The following KCNH3 variants were observed in gnomAD, a reference collection of about 807,000 sequenced individuals.
KCNH3 encodes voltage-gated inwardly rectifying potassium channel KCNH3.
In KCNH3, 36 loss-of-function variants were observed where a neutral mutation model predicts 95.6. The ratio of observed to expected loss-of-function variants is 0.38; its 90% CI spans 0.29 to 0.50. The LOEUF is 0.50. KCNH3 is among the 20% of genes least tolerant of loss of function. KCNH3 has a pLI of 0.95. For missense variants in KCNH3, 1,030 were observed against 1,484.1 expected (o/e 0.69, Z 5.03); for synonymous variants, 620 against 646.3 (o/e 0.96, Z 0.62).
rs770485797 is a variant in KCNH3 at position 49,542,718 on chromosome 12, G to A, written c.458G>A (p.Arg153His). 8 of 1,578,762 alleles carry A rather than the reference G, an allele frequency of 5.1e-6. No individual in the cohort carries two copies. In the African/African-American group the frequency reaches 5.4e-5, roughly 11 times the overall value. ...TCTTCTTTCGCAGGTGGTGGCCGGC[G>A]CCGATATGGCCGGGCACGATCCAAA... ...DRWKETGGGR[R>H]RYGRARSKGF... Residue 153 changes from arginine (R) to histidine (H), a missense_variant, in exon 4 of 15, where the codon CGC becomes CAC. Transcript: ENST00000257981.
In KCNH3 at chr12:49,544,027, C is replaced by T. The variant is rs777509516; in HGVS notation, c.936C>T (p.Ile312=). Residue 312 remains isoleucine (I), a synonymous_variant, in exon 6 of 15, where the codon ATC becomes ATT. Transcript: ENST00000257981. ...CCACCTGGTTCCTGCTGGATGTCAT[C>T]GCAGCGCTGCCCTTTGACCTGCTAC... ...YVTTWFLLDV[I]AALPFDLLHA... 55 of 1,613,790 alleles carry T rather than the reference C, an allele frequency of 3.4e-5. No homozygotes were observed. In the South Asian group the frequency reaches 4.7e-4, roughly 14 times the overall value.
chr12:49,551,205 T>C (rs554136726), intron 10 of KCNH3, among the ~76,000 whole-genome samples: 177 of 152,120 alleles, frequency 1.2e-3, no homozygotes, highest in African/African-American at 3.9e-3. Flanking sequence ...GTTAGGAGGG[T>C]TGGACCTGCA....
At chr12:49,544,131 C>T in intron 6 of KCNH3, 44 bp from the exon 7 acceptor site, 1 of 1,599,862 alleles carries the variant, frequency 6.3e-7, no homozygotes. Flanking sequence ...GCAGGGCCGG[C>T]CCGCTGACCT....
chr12:49,547,735 T>G (rs942312157), intron 7 of KCNH3, among the ~76,000 whole-genome samples: 1 of 151,622 alleles, frequency 6.6e-6, no homozygotes, highest in African/African-American at 2.4e-5. Flanking sequence ...GAGTAGGGGG[T>G]CTGTGCTGAG....
chr12:49,548,158 T>C (rs1424427781), intron 7 of KCNH3, among the ~76,000 whole-genome samples: 1 of 150,792 alleles, frequency 6.6e-6, no homozygotes, highest in African/African-American at 2.4e-5. Flanking sequence ...GTGAATGTAT[T>C]CGCCTGTGTG....
chr12:49,548,954 C>T lies in KCNH3; in HGVS notation c.1249C>T (p.Pro417Ser). 6.2e-7 allele frequency: 1 copy of T among 1,606,958 alleles called. No homozygotes were observed. Residue 417 changes from proline (P) to serine (S), a missense_variant, in exon 8 of 15, where the codon CCA becomes TCA. Around this residue, in one of 9 missense-constraint regions of KCNH3, gnomAD observed 50 missense variants for 41.0 expected, o/e 1.22. Transcript: ENST00000257981. The stretch of plus-strand genomic sequence containing the variant: ...TCCCTACTACCTGGTGGGCCGGAGG[C>T]CAGCTGGAGGGAACAGCTCCGGCCA... ...ETPYYLVGRR[P>S]AGGNSSGQSD...
chr12:49,544,023 T>C lies in KCNH3; in HGVS notation c.932T>C (p.Val311Ala). The C allele has an allele frequency of 6.2e-7, 1 of 1,613,928 alleles. No individual in the cohort carries two copies. Among genetic ancestry groups the C allele is most frequent in the South Asian group, 1.1e-5 (1 of 91,084 alleles). ...HYVTTWFLLD[V>A]IAALPFDLLH... ...GTCACCACCTGGTTCCTGCTGGATG[T>C]CATCGCAGCGCTGCCCTTTGACCTG... Residue 311 changes from valine (V) to alanine (A), a missense_variant, in exon 6 of 15, where the codon GTC becomes GCC. By Grantham distance (64) the Val-to-Ala change is moderately conservative. This residue lies in a region of KCNH3 where 153 missense variants were observed against 288.5 expected (regional missense o/e 0.53). Coordinates refer to ENST00000257981, the MANE Select transcript of KCNH3 (RefSeq NM_012284.3).
Position 49,548,875 on chromosome 12 carries a change from C to A in KCNH3, c.1190-20C>A. 2 of 1,543,828 alleles carry A rather than the reference C, an allele frequency of 1.3e-6. No homozygotes were observed. Among genetic ancestry groups the A allele is most frequent in the South Asian group, 2.4e-5 (2 of 83,102 alleles). Reference sequence around the variant, plus strand: ...CCCACAGTCTTCCTGCCTGCTCAGGCCCTGCTGTTCCCCCCTCAGGCTGGC... The same window carrying A: ...CCCACAGTCTTCCTGCCTGCTCAGGACCTGCTGTTCCCCCCTCAGGCTGGC... On this transcript the variant is annotated intron_variant, in intron 7 of 14. Coordinates refer to ENST00000257981, the MANE Select transcript of KCNH3 (RefSeq NM_012284.3).
chr12:49,544,492 G>A (rs1268655247), intron 7 of KCNH3, 110 bp downstream of exon 7: 6 of 1,072,552 alleles, frequency 5.6e-6, no homozygotes, highest in Non-Finnish European at 6.9e-6. Flanking sequence ...GTCTGCACGT[G>A]TGCAAATCAG....
At position 49,555,890 on chromosome 12, in the gene KCNH3, G is replaced by A; in HGVS notation, c.2407G>A (p.Ala803Thr). 1 of 1,604,500 alleles carries A rather than the reference G, an allele frequency of 6.2e-7. No homozygotes were observed. The highest frequency in any genetic ancestry group is 1.1e-5 in the South Asian group (1 of 90,060). Residue 803 changes from alanine to threonine, a missense_variant, in exon 12 of 15, where the codon GCC (alanine) becomes ACC (threonine). Physicochemically the swap from Ala to Thr is moderately conservative, Grantham distance 58. Coordinates refer to ENST00000257981, the MANE Select transcript of KCNH3 (RefSeq NM_012284.3). Reference protein sequence around the residue: ...AEAGPSAPPRALEGLRLPPMP... With the variant: ...AEAGPSAPPRTLEGLRLPPMP... Reference sequence around the variant, plus strand: ...GGCTGGCCCCTCTGCTCCCCCACGGGCCCTAGAGGGGCTACGGCTGCCCCC... The same window carrying A: ...GGCTGGCCCCTCTGCTCCCCCACGGACCCTAGAGGGGCTACGGCTGCCCCC...
chr12:49,539,332 G>A lies in KCNH3; in HGVS notation c.-85G>A, dbSNP rs1392068855. On this transcript the variant is annotated 5_prime_UTR_variant, in exon 1 of 15. Coordinates refer to ENST00000257981, the MANE Select transcript of KCNH3 (RefSeq NM_012284.3). This position sits in a 1 kb window ranked among gnomAD's most constrained non-coding sequence, Gnocchi z 6.7. ...TGCGCTAGGGAGCGCGGGGCCCGGC[G>A]GGGGGCGGCCGAGCTGGGCGCCCTC... The A allele has an allele frequency of 3.8e-6, 3 of 798,048 alleles. No individual in the cohort carries two copies. Among genetic ancestry groups the A allele is most frequent in the African/African-American group, 1.8e-5 (1 of 54,416 alleles). The allele number at this position is 798,048 out of a possible 1,614,324, so 49.4% of individuals were successfully genotyped here. A position where few individuals can be genotyped will look rare whatever the true frequency, so the allele number is the denominator to read the frequency against.
At chr12:49,556,942 A>G (rs1938478600) in intron 13 of KCNH3, among the ~76,000 whole-genome samples, 1 of 152,156 alleles carries the variant, frequency 6.6e-6, no homozygotes, top group Non-Finnish European at 1.5e-5. Flanking sequence ...ACAGGCACAA[A>G]GAACAACTTT....
In KCNH3 at chr12:49,544,258, C is replaced by G. The variant is rs201864597; in HGVS notation, c.1065C>G (p.Tyr355Ter). 6.2e-7 allele frequency: 1 copy of G among 1,606,280 alleles called. No individual in the cohort carries two copies. Residue 355 changes from tyrosine to a stop codon, truncating the protein, a stop_gained, in exon 7 of 15, where the codon TAC (tyrosine) becomes TAG (stop). Transcript: ENST00000257981. LOFTEE classifies it high-confidence loss of function. Reference protein sequence around the residue: ...LLPRLDRYSQYSAVVLTLLMA... With the variant: ...LLPRLDRYSQ Reference sequence around the variant, plus strand: ...CGCGGCTGGACCGGTACTCGCAGTACAGCGCCGTGGTGCTGACACTGCTCA... The same window carrying G: ...CGCGGCTGGACCGGTACTCGCAGTAGAGCGCCGTGGTGCTGACACTGCTCA...
In KCNH3 at chr12:49,545,687, G is replaced by A. The variant is rs372983547; in HGVS notation, c.1189+1305G>A. Among the ~76,000 whole-genome samples, 5 of 151,964 alleles carry A rather than the reference G, an allele frequency of 3.3e-5. No individual in the cohort carries two copies. In the East Asian group the frequency reaches 9.7e-4, roughly 30 times the overall value. On this transcript the variant is annotated intron_variant, in intron 7 of 14. Coordinates refer to ENST00000257981, the MANE Select transcript of KCNH3 (RefSeq NM_012284.3). Reference sequence around the variant, plus strand: ...ATTACAGGTGTGAGCCACCACACCCGGCAGGTGGCCTCGTATGACTGTCTG... The same window carrying A: ...ATTACAGGTGTGAGCCACCACACCCAGCAGGTGGCCTCGTATGACTGTCTG...
At chr12:49,552,760 C>T (rs766932788) in intron 10 of KCNH3, among the ~76,000 whole-genome samples, 2 of 152,184 alleles carry the variant, frequency 1.3e-5, no homozygotes, top group Non-Finnish European at 2.9e-5. Context: ...TCTCCCACCT[C>T]TTAGATGAAG....
At chr12:49,553,482 A>G (rs2138163102) in intron 10 of KCNH3, among the ~76,000 whole-genome samples, 1 of 152,114 alleles carries the variant, frequency 6.6e-6, no homozygotes, top group South Asian at 2.1e-4. Context: ...GAAGAAAATG[A>G]TTTCTTTTTG....
rs61744560 is a variant in KCNH3, at chr12:49,557,612, C to T, written c.2911C>T (p.Leu971Phe). ...WPHPRPGPPP[L>F]MAPWPWGPPA... is the part of the protein sequence containing the mutation. ...CCACCCTCGTCCGGGGCCTCCTCCC[C>T]TCATGGCACCCTGGCCCTGGGGTCC... The change falls in exon 15 of 15, where the codon CTC (leucine) becomes TTC (phenylalanine). Residue 971 changes from leucine (L) to phenylalanine (F), a missense_variant. Coordinates refer to ENST00000257981, the MANE Select transcript of KCNH3 (RefSeq NM_012284.3). 3 of 1,613,402 alleles carry T rather than the reference C, an allele frequency of 1.9e-6. No individual in the cohort carries two copies. Among genetic ancestry groups the T allele is most frequent in the African/African-American group, 1.3e-5 (1 of 74,934 alleles).
chr12:49,549,962 G>C, intron 9 of KCNH3, 118 bp from the exon 10 acceptor site: 5 of 1,127,622 alleles, frequency 4.4e-6, no homozygotes, highest in Non-Finnish European at 4.9e-6. Flanking sequence ...AGAGGCCTCA[G>C]GTCCCTCCCA....
chr12:49,556,272 T>C, intron 12 of KCNH3, 98 bp from the exon 13 acceptor site: 10 of 886,176 alleles, frequency 1.1e-5, no homozygotes, highest in African/African-American at 1.6e-5. Flanking sequence ...TCCACGCTCC[T>C]GCAGCCTGTG....
Sources: allele counts gnomAD v4.1 joint callset (sites outside exome capture counted in the v4.1 genomes callset), GRCh38; gene constraint gnomAD v4.1.1; regional missense constraint gnomAD v4.1.1; non-coding constraint Gnocchi (gnomAD v3.1); transcripts MANE v1.5; gene names NCBI Gene and HGNC (gene_info 2026-07-23, HGNC 2026-07-21).